Variants in SPEG observed in about 807,000 individuals in gnomAD.
The protein encoded by SPEG is striated muscle preferentially expressed protein kinase.
Under a neutral mutation model 300.4 loss-of-function variants are expected in SPEG, and 114 were observed. That is an observed-to-expected ratio of 0.38 (90% CI 0.33 to 0.44). The LOEUF is 0.44. Among genes scored for constraint, SPEG ranks in the 20% least tolerant of loss-of-function variants. The probability of loss-of-function intolerance (pLI) is 1.00; values close to 1 mark genes in which losing one functional copy is unlikely to be tolerated. For synonymous variants in SPEG, 1,964 were observed against 2,018.9 expected (o/e 0.97, Z 0.73); for missense variants, 4,201 against 4,586.2 (o/e 0.92, Z 2.43).
At chr2:219,466,224 C>A (rs1175845752) in intron 9 of SPEG, 9 of 1,453,752 alleles carry the variant, frequency 6.2e-6, no homozygotes, top group Non-Finnish European at 8.1e-6. Context: ...ATGCAGCCCC[C>A]AGGGGGATAG....
intron 9 of SPEG, chr2:219,466,913 G>T: frequency 8.5e-7 from 1 of 1,179,784 alleles, no homozygotes; most frequent in Non-Finnish European, 1.1e-6. Flanking sequence ...GCCACCACGT[G>T]GCCCTCTCAG....
At position 219,479,069 on chromosome 2, in the gene SPEG, C is replaced by A; in HGVS notation, c.5028-75C>A. 7.3e-7 allele frequency: 1 copy of A among 1,365,052 alleles called. No homozygotes were observed. The highest frequency in any genetic ancestry group is 1.0e-6 in the Non-Finnish European group (1 of 961,426). The allele number at this position is 1,365,052 out of a possible 1,614,324, so 84.6% of individuals were successfully genotyped here. A position where few individuals can be genotyped will look rare whatever the true frequency, so the allele number is the denominator to read the frequency against. The stretch of plus-strand genomic sequence containing the variant: ...AGGGGAAGGAGAACCCCGTGCTGAG[C>A]TGGGACCTGCCCTGAGCGCTGGGCT... On this transcript the variant is annotated intron_variant, in intron 22 of 40. Transcript: ENST00000312358. The surrounding 1 kb of genome is among the most constrained non-coding windows in gnomAD (Gnocchi z 5.5).
chr2:219,442,101 G>A lies in SPEG; in HGVS notation c.389-2552G>A, dbSNP rs548059116. The A allele has an allele frequency of 1.8e-5, 22 of 1,190,054 alleles. No homozygotes were observed. In the Admixed American group the frequency reaches 7.8e-4, roughly 42 times the overall value. The allele number at this position is 1,190,054 out of a possible 1,614,324, so 73.7% of individuals were successfully genotyped here. A position where few individuals can be genotyped will look rare whatever the true frequency, so the allele number is the denominator to read the frequency against. On this transcript the variant is annotated intron_variant, in intron 1 of 40. Coordinates refer to ENST00000312358, the MANE Select transcript of SPEG (RefSeq NM_005876.5). ...GTTTCCAGGTGAGGGCTCCGGGGGC[G>A]GGCGGCGCCGGGAGGGGGCAGGGAG...
intron 8 of SPEG, among the ~76,000 whole-genome samples, chr2:219,463,577 C>A (rs1690955348): frequency 6.6e-6 from 1 of 151,536 alleles, no homozygotes; most frequent in Non-Finnish European, 1.5e-5. Flanking sequence ...CCACACCCAG[C>A]TAATTTTGTA....
intron 1 of SPEG, chr2:219,441,925 G>C (rs1688943085): frequency 4.2e-6 from 1 of 238,078 alleles, no homozygotes; most frequent in Non-Finnish European, 7.9e-6. Context: ...GAGGCCCCAG[G>C]CTCCTTCCGC....
intron 29 of SPEG, 65 bp downstream of exon 29, chr2:219,482,917 C>T: frequency 1.3e-6 from 2 of 1,525,566 alleles, no homozygotes; most frequent in African/African-American, 1.4e-5. Context: ...TGCCTTCCCC[C>T]TCCCGTGGGC....
At chr2:219,466,046 T>C (rs1312300262) in intron 9 of SPEG, 1 of 1,604,894 alleles carries the variant, frequency 6.2e-7, no homozygotes, top group African/African-American at 1.3e-5. Flanking sequence ...GAGGTTTTTG[T>C]CTGTACACAG....
intron 9 of SPEG, chr2:219,466,862 A>C (rs925771395): frequency 1.1e-5 from 13 of 1,155,168 alleles, no homozygotes; most frequent in Non-Finnish European, 1.4e-5. Flanking sequence ...GTTTGTACCT[A>C]TCTGGTGTGT....
intron 28 of SPEG, 74 bp from the exon 29 acceptor site, chr2:219,482,710 T>G: frequency 7.2e-7 from 1 of 1,382,064 alleles, no homozygotes; most frequent in Non-Finnish European, 1.0e-6. Context: ...CCCATGGACT[T>G]TGTCTCTCTG....
intron 22 of SPEG, among the ~76,000 whole-genome samples, chr2:219,478,671 T>C (rs2125523496): frequency 6.6e-6 from 1 of 152,312 alleles, no homozygotes; most frequent in Non-Finnish European, 1.5e-5. Flanking sequence ...AGGGTGACCG[T>C]AACCTGCACA....
At position 219,477,472 on chromosome 2, in the gene SPEG, A is replaced by G. The variant is rs1047094398; in HGVS notation, c.4729+27A>G. The G allele has an allele frequency of 2.6e-6, 4 of 1,547,002 alleles. No homozygotes were observed. Among genetic ancestry groups the G allele is most frequent in the Non-Finnish European group, 3.5e-6 (4 of 1,144,154 alleles). ...TAGGCAGGAGTTCCGGAGAAAGGTA[A>G]AGCGCACACCCCCTGGAATCTGATG... is the stretch of plus-strand genomic sequence containing the variant. On this transcript the variant is annotated intron_variant, in intron 20 of 40. Coordinates refer to ENST00000312358, the MANE Select transcript of SPEG (RefSeq NM_005876.5). This position sits in a 1 kb window ranked among gnomAD's most constrained non-coding sequence, Gnocchi z 6.4.
In SPEG at chr2:219,483,604, C is replaced by T. The variant is rs1693076582; in HGVS notation, c.6141C>T (p.Ser2047=). 7 of 1,500,504 alleles carry T rather than the reference C, an allele frequency of 4.7e-6. No individual in the cohort carries two copies. Among genetic ancestry groups the T allele is most frequent in the Non-Finnish European group, 6.2e-6 (7 of 1,133,618 alleles). The allele number at this position is 1,500,504 out of a possible 1,614,324, so 92.9% of individuals were successfully genotyped here. A position where few individuals can be genotyped will look rare whatever the true frequency, so the allele number is the denominator to read the frequency against. The part of the protein sequence containing the change: ...SVELPQRRSP[S]PGATRLARGG... ...AGCTGCCGCAGCGCCGGAGCCCCAG[C>T]CCGGGAGCCACCCGCCTGGCCCGGG... Residue 2047 remains serine, a synonymous_variant, in exon 30 of 41, where the codon AGC becomes AGT. Coordinates refer to ENST00000312358, the MANE Select transcript of SPEG (RefSeq NM_005876.5).
At chr2:219,455,537 T>C (rs1236674444) in intron 6 of SPEG, among the ~76,000 whole-genome samples, 1 of 152,184 alleles carries the variant, frequency 6.6e-6, no homozygotes, top group East Asian at 1.9e-4. Context: ...GATGGTCAGC[T>C]CTAGGAGCTT....
chr2:219,491,513 G>A (rs888452840), intron 38 of SPEG, among the ~76,000 whole-genome samples: 5 of 152,228 alleles, frequency 3.3e-5, no homozygotes, highest in Non-Finnish European at 7.3e-5. Flanking sequence ...ATACCTTGGA[G>A]CCGATCCAAG....
In SPEG at chr2:219,481,155, A is replaced by T; in HGVS notation, c.5370-149A>T. On this transcript the variant is annotated intron_variant, in intron 26 of 40. Coordinates refer to ENST00000312358, the MANE Select transcript of SPEG (RefSeq NM_005876.5). This position sits in a 1 kb window ranked among gnomAD's most constrained non-coding sequence, Gnocchi z 5.4. ...CTGGGGAGGGGACAGGGCAGGAGAG[A>T]GTCCGCAGCCTCACCTCTTACCCAC... 1 of 811,902 alleles carries T rather than the reference A, an allele frequency of 1.2e-6. No individual in the cohort carries two copies. Among genetic ancestry groups the T allele is most frequent in the Non-Finnish European group, 2.0e-6 (1 of 509,144 alleles). 50.3% of individuals were successfully genotyped at this position (811,902 alleles called of 1,614,324 possible). A position where few individuals can be genotyped will look rare whatever the true frequency, so the allele number is the denominator to read the frequency against.
chr2:219,435,504 G>C (rs1472617255), intron 1 of SPEG, 139 bp downstream of exon 1: 5 of 988,748 alleles, frequency 5.1e-6, no homozygotes, highest in African/African-American at 1.7e-5. Flanking sequence ...TCGGCTGCCC[G>C]GCCCCAGAAG....
In SPEG at chr2:219,451,671, C is replaced by A; in HGVS notation, c.2304C>A (p.Leu768=). ...CAGCGCTGCGCAGCGAGGGCCGCCTCCTCCTCCGGGCTGAGGGTGAGCGGC... is the reference window on the plus strand; with the variant it reads ...CAGCGCTGCGCAGCGAGGGCCGCCTACTCCTCCGGGCTGAGGGTGAGCGGC... ...DGSALRSEGR[L]LLRAEGERHT... is the part of the protein sequence containing the mutation. The change falls in exon 6 of 41, where the codon CTC becomes CTA. Residue 768 remains leucine (L), a synonymous_variant. Transcript: ENST00000312358. The surrounding 1 kb of genome is among the most constrained non-coding windows in gnomAD (Gnocchi z 6.4). 1 of 1,587,578 alleles carries A rather than the reference C, an allele frequency of 6.3e-7. No individual in the cohort carries two copies. The highest frequency in any genetic ancestry group is 1.2e-5 in the South Asian group (1 of 86,660).
Position 219,481,370 on chromosome 2 carries a change from C to T in SPEG, c.5436C>T (p.Tyr1812=). 1 of 1,614,188 alleles carries T rather than the reference C, an allele frequency of 6.2e-7. No homozygotes were observed. ...DRTTLMNIRN[Y]NVAFEETTFL... ...CAACATTGATGAACATCCGAAACTACAACGTGGCCTTCGAGGAGACCACAT... is the reference window on the plus strand; with the variant it reads ...CAACATTGATGAACATCCGAAACTATAACGTGGCCTTCGAGGAGACCACAT... The change falls in exon 27 of 41, where the codon TAC becomes TAT. Residue 1812 remains tyrosine (Y), a synonymous_variant. Transcript: ENST00000312358. This position sits in a 1 kb window ranked among gnomAD's most constrained non-coding sequence, Gnocchi z 5.4.
At chr2:219,460,473 T>A (rs1354308027) in intron 6 of SPEG, 1 of 985,244 alleles carries the variant, frequency 1.0e-6, no homozygotes, top group Non-Finnish European at 1.2e-6. Flanking sequence ...AGGGCAAGTG[T>A]CCCTATTGGC....
Sources: allele counts gnomAD v4.1 joint callset (sites outside exome capture counted in the v4.1 genomes callset), GRCh38; gene constraint gnomAD v4.1.1; non-coding constraint Gnocchi (gnomAD v3.1); transcripts MANE v1.5; gene names NCBI Gene and HGNC (gene_info 2026-07-23, HGNC 2026-07-21).